Variants in NID2 observed in about 807,000 individuals in gnomAD.
The protein encoded by NID2 is nidogen-2.
NID2 carries 83 observed loss-of-function variants against 145.4 expected under a neutral mutation model. That is an observed-to-expected ratio of 0.57 (90% CI 0.48 to 0.69). NID2 has a LOEUF of 0.69. Ranked by LOEUF, NID2 falls within the 30% of genes least tolerant of loss-of-function variation. NID2 has a pLI of 0.00. For missense variants in NID2, 1,807 were observed against 1,765.7 expected (o/e 1.02, Z -0.42); for synonymous variants, 739 against 701.3 (o/e 1.05, Z -0.85).
chr14:52,005,886 C>A, intron 20 of NID2, 37 bp from the exon 21 acceptor site: 1 of 1,443,152 alleles, frequency 6.9e-7, no homozygotes, highest in South Asian at 1.1e-5. Flanking sequence ...CAGGGACAGT[C>A]ATTTACTAGA....
At chr14:52,047,095 C>G (rs562895446) in intron 5 of NID2, among the ~76,000 whole-genome samples, 14 of 152,282 alleles carry the variant, frequency 9.2e-5, no homozygotes, top group African/African-American at 3.1e-4. Flanking sequence ...TAGACCTGTA[C>G]CTAGTCTAGA....
At position 52,046,341 on chromosome 14, in the gene NID2, A is replaced by AAAAAAAAAAGC. The variant is rs33978626; in HGVS notation, c.1430-3411_1430-3410insGCTTTTTTTTT. 8.9e-5 allele frequency among the ~76,000 whole-genome samples: 11 copies of AAAAAAAAAAGC among 123,166 alleles called. 2 individuals are homozygous for AAAAAAAAAAGC. The highest frequency in any genetic ancestry group is 2.5e-4 in the East Asian group (1 of 4,006). The allele number at this position is 123,166 out of a possible 152,430, so 80.8% of individuals were successfully genotyped here. ...CCATCTCAAAAAAAAAAAAAAAAAAAAGCCGTTTTCATAATATTCAGATAA... is the reference window on the plus strand; with the variant it reads ...CCATCTCAAAAAAAAAAAAAAAAAAAAAAAAAAAAGCAGCCGTTTTCATAATATTCAGATAA... On this transcript the variant is annotated intron_variant, in intron 5 of 21. Coordinates refer to ENST00000216286, the MANE Select transcript of NID2 (RefSeq NM_007361.4).
intron 20 of NID2, chr14:52,006,139 A>G: frequency 2.3e-6 from 1 of 435,742 alleles, no homozygotes; most frequent in Non-Finnish European, 4.2e-6. Flanking sequence ...ACTAGTCTAA[A>G]TAGTATTTTT....
chr14:52,048,259 T>C (rs1369846414), intron 5 of NID2, among the ~76,000 whole-genome samples: 1 of 152,158 alleles, frequency 6.6e-6, no homozygotes, highest in East Asian at 1.9e-4. Context: ...GATTCTTTAG[T>C]GAAAGTAATA....
intron 12 of NID2, among the ~76,000 whole-genome samples, chr14:52,024,904 G>C (rs567337461): frequency 1.3e-5 from 2 of 152,072 alleles, no homozygotes; most frequent in East Asian, 3.9e-4. Flanking sequence ...AGGAGGGAGA[G>C]AATCATTGTA....
At position 52,060,171 on chromosome 14, in the gene NID2, T is replaced by C. The variant is rs1215051173; in HGVS notation, c.720A>G (p.Pro240=). ...GEADDLKSEG[P]YFSLTSTEQS... is the part of the protein sequence containing the mutation. ...GTTCAGTGCTAGTCAAGCTGAAATA[T>C]GGTCCTTCTGACTTCAGATCATCAG... The change falls in exon 3 of 22, where the codon CCA becomes CCG. Residue 240 remains proline (P), a synonymous_variant. Transcript: ENST00000216286. 6.2e-7 allele frequency: 1 copy of C among 1,614,044 alleles called. No individual in the cohort carries two copies. The highest frequency in any genetic ancestry group is 1.7e-5 in the Admixed American group (1 of 60,002).
At position 52,068,047 on chromosome 14, in the gene NID2, C is replaced by G; in HGVS notation, c.345G>C (p.Thr115=). ...AIAPFLADID[T]SHGRGRVLYR... The stretch of plus-strand genomic sequence containing the variant: ...ACAGGACTCGGCCTCTGCCGTGGCT[C>G]GTGTCGATGTCCGCCAGAAAAGGGG... The change falls in exon 2 of 22, where the codon ACG becomes ACC. Residue 115 remains threonine (T), a synonymous_variant. Transcript: ENST00000216286. 6.2e-7 allele frequency: 1 copy of G among 1,613,694 alleles called. No homozygotes were observed. The highest frequency in any genetic ancestry group is 8.5e-7 in the Non-Finnish European group (1 of 1,179,850).
chr14:52,055,755 A>C (rs1487184362), intron 3 of NID2, among the ~76,000 whole-genome samples: 1 of 152,244 alleles, frequency 6.6e-6, no homozygotes, highest in South Asian at 2.1e-4. Context: ...AAGCAATGGA[A>C]TTTCCTCAAA....
chr14:52,010,302 T>C (rs1052486802), intron 18 of NID2: 2 of 152,256 alleles, frequency 1.3e-5, no homozygotes, highest in Non-Finnish European at 2.9e-5. Flanking sequence ...TCTCAAGATA[T>C]AAAAATTCTC....
Position 52,053,836 on chromosome 14 carries a change from G to A in NID2, c.1172C>T (p.Thr391Ile). ...GQVEPWDERE[T>I]RSPAPPEVDR... ...TACCTCTGGTGGAGCTGGGCTTCTG[G>A]TCTCTCTCTCATCCCAGGGCTCAAC... is the stretch of plus-strand genomic sequence containing the variant. The change falls in exon 5 of 22, where the codon ACC (threonine) becomes ATC (isoleucine). Residue 391 changes from threonine (T) to isoleucine (I), a missense_variant. Thr to Ile is a moderately conservative substitution (Grantham distance 89). Transcript: ENST00000216286. 6.2e-7 allele frequency: 1 copy of A among 1,614,100 alleles called. No homozygotes were observed. Among genetic ancestry groups the A allele is most frequent in the Non-Finnish European group, 8.5e-7 (1 of 1,180,020 alleles).
intron 1 of NID2, among the ~76,000 whole-genome samples, chr14:52,068,485 G>A (rs1049789025): frequency 7.9e-5 from 12 of 152,226 alleles, no homozygotes; most frequent in African/African-American, 2.9e-4. Context: ...CCTTCTCGCG[G>A]TCCTAACTGC....
intron 5 of NID2, among the ~76,000 whole-genome samples, chr14:52,049,795 G>C (rs1387053266): frequency 6.6e-6 from 1 of 152,164 alleles, no homozygotes; most frequent in Non-Finnish European, 1.5e-5. Context: ...ACAACTGCTG[G>C]CATGACACTA....
intron 11 of NID2, 86 bp downstream of exon 11, chr14:52,028,636 T>G (rs74049344): frequency 0.24 from 351,192 of 1,434,736 alleles, 44,923 homozygotes; most frequent in Non-Finnish European, 0.26. Context: ...AGCCTCTGAA[T>G]AGCAGAAGTC....
At position 52,042,106 on chromosome 14, in the gene NID2, T is replaced by A. The variant is rs1892300146; in HGVS notation, c.1824A>T (p.Ala608=). 1.3e-6 allele frequency: 2 copies of A among 1,588,068 alleles called. No homozygotes were observed. Among genetic ancestry groups the A allele is most frequent in the Admixed American group, 1.7e-5 (1 of 58,356 alleles). Residue 608 remains alanine, a splice_region_variant and synonymous_variant, in exon 7 of 22, where the codon GCA becomes GCT. Coordinates refer to ENST00000216286, the MANE Select transcript of NID2 (RefSeq NM_007361.4). ...KPGSENGFSL[A]GAAFTHDMEV... ...GGCCTTCTCAGAGGCCCTACTCACCTGCGAGGCTGAAGCCGTTCTCAGAGC... is the reference window on the plus strand; with the variant it reads ...GGCCTTCTCAGAGGCCCTACTCACCAGCGAGGCTGAAGCCGTTCTCAGAGC...
At chr14:52,032,818 C>T (rs543514363) in intron 9 of NID2, among the ~76,000 whole-genome samples, 57 of 37,860 alleles carry the variant, frequency 1.5e-3, no homozygotes, top group Admixed American at 4.2e-3. Context: ...AAAAAAAAAT[C>T]TCAGCTCAAA....
At position 52,044,800 on chromosome 14, in the gene NID2, G is replaced by T. The variant is rs181330494; in HGVS notation, c.1430-1869C>A. 1.1e-3 allele frequency among the ~76,000 whole-genome samples: 174 copies of T among 151,926 alleles called. 1 individual carries two copies. The highest frequency in any genetic ancestry group is 3.8e-3 in the African/African-American group (157 of 41,420). ...ACTTTATTTTTTGGTAGGGTGGGTTGGGGGGAGGGGTCTCCCTGCGTTGCC... is the reference window on the plus strand; with the variant it reads ...ACTTTATTTTTTGGTAGGGTGGGTTTGGGGGAGGGGTCTCCCTGCGTTGCC... On this transcript the variant is annotated intron_variant, in intron 5 of 21. Transcript: ENST00000216286.
intron 5 of NID2, among the ~76,000 whole-genome samples, chr14:52,045,149 C>A (rs1000376462): frequency 1.4e-4 from 22 of 152,096 alleles, no homozygotes; most frequent in Admixed American, 3.3e-4. Context: ...GCACAGACTT[C>A]AAGTATAATT....
chr14:52,029,093 T>A (rs1242150592), intron 10 of NID2, among the ~76,000 whole-genome samples: 1 of 152,220 alleles, frequency 6.6e-6, no homozygotes, highest in African/African-American at 2.4e-5. Flanking sequence ...CTAAGAATTC[T>A]TTAACTGTTT....
chr14:52,010,904 G>A lies in NID2; in HGVS notation c.3694C>T (p.Arg1232Cys), dbSNP rs745569784. The change falls in exon 18 of 22, where the codon CGT (arginine) becomes TGT (cysteine). Residue 1232 changes from arginine to cysteine, a missense_variant. By Grantham distance (180) the Arg-to-Cys change is radical. Transcript: ENST00000216286. Reference sequence around the variant, plus strand: ...CGGATTGGATCCACAGCGATGGCACGGGGATTCACCAGATCTGTGTAGAAG... The same window carrying A: ...CGGATTGGATCCACAGCGATGGCACAGGGATTCACCAGATCTGTGTAGAAG... ...VLFYTDLVNP[R>C]AIAVDPIRGN... 11 of 1,613,584 alleles carry A rather than the reference G, an allele frequency of 6.8e-6. No individual in the cohort carries two copies. The highest frequency in any genetic ancestry group is 1.7e-5 in the Admixed American group (1 of 60,026).
Sources: gnomAD v4.1 joint callset for allele counts (sites outside exome capture counted in the v4.1 genomes callset) on GRCh38, gnomAD v4.1.1 for gene constraint, MANE v1.5 for transcripts, NCBI Gene and HGNC (gene_info 2026-07-23, HGNC 2026-07-21) for gene names.